Variants in BEND2 observed in about 807,000 individuals in gnomAD.
BEND2 encodes BEN domain-containing protein 2.
In BEND2, 19 loss-of-function variants were observed where a neutral mutation model predicts 43.8. The observed-to-expected ratio is 0.43, with a 90% CI of 0.30 to 0.64. The LOEUF (loss-of-function observed/expected upper bound fraction) is 0.64, where lower values mean the gene tolerates loss of function less well. BEND2 is among the 30% of genes least tolerant of loss of function. BEND2 has a pLI of 0.11. For missense variants in BEND2, 544 were observed against 574.0 expected (o/e 0.95, Z 0.53); for synonymous variants, 226 against 210.1 (o/e 1.08, Z -0.66).
At chrX:18,216,797 A>G in intron 1 of BEND2, 64 bp from the exon 2 acceptor site, 1 of 869,367 alleles carries the variant, frequency 1.2e-6, no homozygotes, top group Non-Finnish European at 1.6e-6. Flanking sequence ...TTCTTGAGGA[A>G]GCTACCTTAT....
intron 5 of BEND2, 30 bp downstream of exon 5, chrX:18,203,471 T>C (rs1235807196): frequency 8.6e-7 from 1 of 1,162,264 alleles, no homozygotes; most frequent in East Asian, 3.0e-5. Flanking sequence ...TGAAGAATGC[T>C]ATCTGTAATA....
chrX:18,212,643 G>T lies in BEND2; in HGVS notation c.414C>A (p.His138Gln). ...AACTGTATCTTCTTAAATGTACTGG[G>T]TGGTTTATCTGTGAAACTATTTGGT... ...HGDQIVSQIN[H>Q]PVHLRRYSYN... is the part of the protein sequence containing the mutation. The change falls in exon 4 of 14, where the codon CAC (histidine) becomes CAA (glutamine). Residue 138 changes from histidine (H) to glutamine (Q), a missense_variant. By Grantham distance (24) the His-to-Gln change is conservative (BLOSUM62 0). Coordinates refer to ENST00000380033, the MANE Select transcript of BEND2 (RefSeq NM_153346.5). 1 of 1,209,653 alleles carries T rather than the reference G, an allele frequency of 8.3e-7. No individual in the cohort carries two copies. Among genetic ancestry groups the T allele is most frequent in the Non-Finnish European group, 1.1e-6 (1 of 894,195 alleles).
intron 12 of BEND2, among the ~76,000 whole-genome samples, chrX:18,172,375 C>G (rs938427098): frequency 3.6e-5 from 4 of 111,029 alleles, no homozygotes; most frequent in African/African-American, 9.8e-5. Context: ...AAGAACCTAA[C>G]CTAATAATCC....
At chrX:18,205,159 G>A (rs943612723) in intron 4 of BEND2, among the ~76,000 whole-genome samples, 3 of 110,573 alleles carry the variant, frequency 2.7e-5, no homozygotes, top group Non-Finnish European at 3.8e-5. Context: ...AAAAAAATAC[G>A]CTTAAACAAA....
At chrX:18,173,956 A>G (rs925866235) in intron 12 of BEND2, 74 bp downstream of exon 12, 2 of 914,859 alleles carry the variant, frequency 2.2e-6, no homozygotes, top group South Asian at 2.4e-5. Context: ...AATGAACCCC[A>G]TAAATGCATC....
Position 18,165,025 on chromosome X carries a change from G to C in BEND2, c.2384C>G (p.Thr795Ser), listed in dbSNP as rs770952083. 8.3e-7 allele frequency: 1 copy of C among 1,208,382 alleles called. No homozygotes were observed. Residue 795 changes from threonine to serine, a missense_variant, in exon 14 of 14, where the codon ACT becomes AGT. This residue lies in a region of BEND2 where 43 missense variants were observed against 72.4 expected (regional missense o/e 0.59). Transcript: ENST00000380033. ...AGCTGCCGTTCAGGTGCTTGGGTCA[G>C]TGGCGTCGGGATCTCCTGGCTTTGA... ...QESKPGDPDA[T>S]DPST
At chrX:18,183,932 A>G (rs773858485) in intron 8 of BEND2, among the ~76,000 whole-genome samples, 82 of 111,395 alleles carry the variant, frequency 7.4e-4, no homozygotes, top group Middle Eastern at 4.6e-3. Flanking sequence ...GCTGGGGGGA[A>G]CTCACCACCC....
At position 18,164,720 on chromosome X, in the gene BEND2, T is replaced by C. The variant is rs940700349; in HGVS notation, c.*289A>G. ...TCTCTACCTTATCAAAAAAACAAAGTATATTAATGTCAATTATCTAAGTCA... is the reference window on the plus strand; with the variant it reads ...TCTCTACCTTATCAAAAAAACAAAGCATATTAATGTCAATTATCTAAGTCA... On this transcript the variant is annotated 3_prime_UTR_variant, in exon 14 of 14. Coordinates refer to ENST00000380033, the MANE Select transcript of BEND2 (RefSeq NM_153346.5). 1.3e-5 allele frequency: 3 copies of C among 222,743 alleles called. No individual in the cohort carries two copies. The highest frequency in any genetic ancestry group is 8.7e-5 in the African/African-American group (3 of 34,581). 18.4% of individuals were successfully genotyped at this position (222,743 alleles called of 1,213,427 possible). A position where few individuals can be genotyped will look rare whatever the true frequency, so the allele number is the denominator to read the frequency against.
At chrX:18,176,762 G>C (rs1569116686) in intron 10 of BEND2, among the ~76,000 whole-genome samples, 1 of 111,231 alleles carries the variant, frequency 9.0e-6, no homozygotes, top group Non-Finnish European at 1.9e-5. Flanking sequence ...GGATAAATCA[G>C]AACTAAAAGG....
At position 18,190,766 on chromosome X, in the gene BEND2, T is replaced by TCTCTCACACACA. The variant is rs1439593746; in HGVS notation, c.1288+234_1288+235insTGTGTGTGAGAG. Among the ~76,000 whole-genome samples, 18 of 93,013 alleles carry TCTCTCACACACA rather than the reference T, an allele frequency of 1.9e-4. No individual in the cohort carries two copies. The East Asian group carries it at 2.0e-3, about 11-fold the overall frequency. The allele number at this position is 93,013 out of a possible 115,157, so 80.8% of individuals were successfully genotyped here. On this transcript the variant is annotated intron_variant, in intron 8 of 13. Transcript: ENST00000380033. ...CTCTCTCTCTCTCTCTCTCTCTCTCTCACACACACACACACACACACACAC... is the reference window on the plus strand; with the variant it reads ...CTCTCTCTCTCTCTCTCTCTCTCTCTCTCTCACACACACACACACACACACACACACACACAC...
Position 18,165,143 on chromosome X carries a change from T to C in BEND2, c.2266A>G (p.Ser756Gly). Reference protein sequence around the residue: ...DWKSCVTSINSGIRSLRHDVR... With the variant: ...DWKSCVTSINGGIRSLRHDVR... The stretch of plus-strand genomic sequence containing the variant: ...TCATGTCTAAGGCTACGGATACCGC[T>C]GTTGATGGAGGTCACACACGACTTC... The change falls in exon 14 of 14, where the codon AGC (serine) becomes GGC (glycine). Residue 756 changes from serine (S) to glycine (G), a missense_variant. Ser to Gly is a moderately conservative substitution (Grantham distance 56). Coordinates refer to ENST00000380033, the MANE Select transcript of BEND2 (RefSeq NM_153346.5). 8.3e-7 allele frequency: 1 copy of C among 1,210,419 alleles called. No individual in the cohort carries two copies.
At chrX:18,174,719 A>C (rs1321820611) in intron 11 of BEND2, among the ~76,000 whole-genome samples, 1 of 111,702 alleles carries the variant, frequency 9.0e-6, no homozygotes, top group Non-Finnish European at 1.9e-5. Flanking sequence ...ATTCAGCCAG[A>C]ATCTCTGGTG....
intron 12 of BEND2, among the ~76,000 whole-genome samples, chrX:18,173,682 T>G (rs1476318954): frequency 9.0e-6 from 1 of 111,447 alleles, no homozygotes; most frequent in Non-Finnish European, 1.9e-5. Flanking sequence ...AAAATCCTAC[T>G]GCGCACCTGC....
At position 18,191,119 on chromosome X, in the gene BEND2, C is replaced by A. The variant is rs755770469; in HGVS notation, c.1181-11G>T. 1 of 1,156,746 alleles carries A rather than the reference C, an allele frequency of 8.6e-7. No individual in the cohort carries two copies. Among genetic ancestry groups the A allele is most frequent in the Non-Finnish European group, 1.2e-6 (1 of 854,371 alleles). ...TTTGTGGGCCAGATTCTGTTTTGAA[C>A]AACATTTCAATATGTAAAACATTTT... On this transcript the variant is annotated splice_polypyrimidine_tract_variant and intron_variant, in intron 7 of 13. Coordinates refer to ENST00000380033, the MANE Select transcript of BEND2 (RefSeq NM_153346.5).
chrX:18,185,538 AT>A (rs1924539095), intron 8 of BEND2, among the ~76,000 whole-genome samples: 1 of 20,003 alleles, frequency 5.0e-5, no homozygotes, highest in Non-Finnish European at 1.5e-4. Context: ...CGCAAAAATA[AT>A]AATAATAATA....
At chrX:18,197,399 AC>A (rs773832523) in intron 6 of BEND2, among the ~76,000 whole-genome samples, 1 of 111,866 alleles carries the variant, frequency 8.9e-6, no homozygotes, top group South Asian at 3.8e-4. Context: ...ACACCACTGC[AC>A]TCCAGCCTGG....
At chrX:18,179,171 T>C (rs939414446) in intron 9 of BEND2, among the ~76,000 whole-genome samples, 6 of 107,587 alleles carry the variant, frequency 5.6e-5, no homozygotes, top group Non-Finnish European at 1.2e-4. Flanking sequence ...GAATCAACTT[T>C]TGTTTCTGTT....
intron 4 of BEND2, among the ~76,000 whole-genome samples, chrX:18,205,198 T>C (rs1163048909): frequency 1.8e-5 from 2 of 111,043 alleles, no homozygotes; most frequent in Admixed American, 1.9e-4. Flanking sequence ...CATTCATTCA[T>C]TCAACTAAAC....
At chrX:18,182,080 G>T in intron 8 of BEND2, among the ~76,000 whole-genome samples, 1 of 111,746 alleles carries the variant, frequency 8.9e-6, no homozygotes, top group Admixed American at 9.5e-5. Context: ...AAAAGTAAAA[G>T]AATGAAAAAT....
Sources: gnomAD v4.1 joint callset for allele counts (sites outside exome capture counted in the v4.1 genomes callset) on GRCh38, gnomAD v4.1.1 for gene constraint, gnomAD v4.1.1 regional missense constraint, MANE v1.5 for transcripts, NCBI Gene and HGNC (gene_info 2026-07-23, HGNC 2026-07-21) for gene names.